Variants in PPP1R14C observed in about 807,000 individuals in gnomAD.
PPP1R14C encodes protein phosphatase 1 regulatory inhibitor subunit 14C.
PPP1R14C carries 16 observed loss-of-function variants against 20.4 expected under a neutral mutation model. That is an observed-to-expected ratio of 0.78 (90% CI 0.53 to 1.19). The LOEUF is 1.19. PPP1R14C is among the 50% of genes most tolerant of loss of function. The probability of loss-of-function intolerance (pLI) is 0.00; values close to 1 mark genes in which losing one functional copy is unlikely to be tolerated. For missense variants in PPP1R14C, 211 were observed against 220.1 expected (o/e 0.96, Z 0.26); for synonymous variants, 91 against 91.0 (o/e 1.00, Z 0.00).
At chr6:150,218,778 A>AACTAG (rs1158104444) in intron 3 of PPP1R14C, among the ~76,000 whole-genome samples, 2 of 152,088 alleles carry the variant, frequency 1.3e-5, no homozygotes, top group East Asian at 3.9e-4. Context: ...CCTCCTGAGT[A>AACTAG]ACTAGTACTG....
chr6:150,217,264 C>T (rs966841087), intron 3 of PPP1R14C, among the ~76,000 whole-genome samples: 4 of 146,756 alleles, frequency 2.7e-5, no homozygotes, highest in East Asian at 2.0e-4. Flanking sequence ...GGTGTGATCT[C>T]GGCTCACTGC....
chr6:150,168,490 G>C lies in PPP1R14C; in HGVS notation c.306+24992G>C, dbSNP rs183735839. 6.6e-5 allele frequency among the ~76,000 whole-genome samples: 10 copies of C among 151,792 alleles called. No individual in the cohort carries two copies. The East Asian group carries it at 1.9e-3, about 29-fold the overall frequency. Reference sequence around the variant, plus strand: ...GGAGCTTGCAGTGAGCCGAGATAGCGCCACTACACTCCAGCCTGGGCGAAA... The same window carrying C: ...GGAGCTTGCAGTGAGCCGAGATAGCCCCACTACACTCCAGCCTGGGCGAAA... On this transcript the variant is annotated intron_variant, in intron 1 of 3. Coordinates refer to ENST00000361131, the MANE Select transcript of PPP1R14C (RefSeq NM_030949.3).
rs574544132 is a variant in PPP1R14C at position 150,238,479 on chromosome 6, C to T, written c.424-10267C>T. Among the ~76,000 whole-genome samples, 15 of 152,384 alleles carry T rather than the reference C, an allele frequency of 9.8e-5. No individual in the cohort carries two copies. The South Asian group carries it at 2.9e-3, about 29-fold the overall frequency. ...AGTGAACACAGAGGTCTTTCGAGGC[C>T]TCTCAGAGCTCTGGCTGCCTTCTCC... On this transcript the variant is annotated intron_variant, in intron 3 of 3. Coordinates refer to ENST00000361131, the MANE Select transcript of PPP1R14C (RefSeq NM_030949.3).
chr6:150,187,035 G>GTGCA (rs1292333113), intron 1 of PPP1R14C, among the ~76,000 whole-genome samples: 1 of 151,940 alleles, frequency 6.6e-6, no homozygotes, highest in East Asian at 1.9e-4. Context: ...GAGTGCAATG[G>GTGCA]TGCAATCTTG....
At chr6:150,152,119 C>CA (rs577869928) in intron 1 of PPP1R14C, among the ~76,000 whole-genome samples, 2,884 of 84,168 alleles carry the variant, frequency 0.034, 265 homozygotes, top group Non-Finnish European at 0.049. Flanking sequence ...GACTCCGTCT[C>CA]AAAAAAAAAA....
At chr6:150,191,444 T>A (rs1007209319) in intron 1 of PPP1R14C, among the ~76,000 whole-genome samples, 7 of 152,220 alleles carry the variant, frequency 4.6e-5, no homozygotes, top group African/African-American at 1.4e-4. Context: ...TTTTACTGAC[T>A]GTGTGCAAAG....
In PPP1R14C at chr6:150,143,339, C is replaced by T. The variant is rs112493035; in HGVS notation, c.147C>T (p.Pro49=). Residue 49 remains proline, a synonymous_variant, in exon 1 of 4, where the codon CCC becomes CCT. Transcript: ENST00000361131. This position sits in a 1 kb window ranked among gnomAD's most constrained non-coding sequence, Gnocchi z 5.6. ...GSGSSREDSA[P]VATAAAAGQV... is the part of the protein sequence containing the mutation. ...GCTCCTCCCGGGAGGACTCGGCGCCCGTGGCCACGGCGGCCGCTGCAGGGC... is the reference window on the plus strand; with the variant it reads ...GCTCCTCCCGGGAGGACTCGGCGCCTGTGGCCACGGCGGCCGCTGCAGGGC... 1.6e-5 allele frequency: 25 copies of T among 1,604,442 alleles called. No homozygotes were observed. In the African/African-American group the frequency reaches 1.8e-4, roughly 11 times the overall value.
chr6:150,146,967 A>T (rs1183261365), intron 1 of PPP1R14C, among the ~76,000 whole-genome samples: 1 of 152,102 alleles, frequency 6.6e-6, no homozygotes, highest in African/African-American at 2.4e-5. Flanking sequence ...CTTTTATTGG[A>T]TTCCAAAATG....
chr6:150,186,067 C>T (rs1211542303), intron 1 of PPP1R14C, among the ~76,000 whole-genome samples: 2 of 152,166 alleles, frequency 1.3e-5, no homozygotes, highest in Non-Finnish European at 2.9e-5. Context: ...CGTGCCTGGT[C>T]TTTGATGCTC....
intron 3 of PPP1R14C, among the ~76,000 whole-genome samples, chr6:150,246,590 T>C (rs1778495448): frequency 6.6e-6 from 1 of 152,350 alleles, no homozygotes; most frequent in African/African-American, 2.4e-5. Context: ...TTGTATTTCA[T>C]TCTGTACAAG....
rs143361323 is a variant in PPP1R14C at position 150,240,901 on chromosome 6, T to G, written c.424-7845T>G. On this transcript the variant is annotated intron_variant, in intron 3 of 3. Transcript: ENST00000361131. ...GTCCTTGGCACAGAACTCCTAAAAC[T>G]CTTACAATTTCCTGAGCAATCAGTT... Among the ~76,000 whole-genome samples the G allele has an allele frequency of 3.4e-3, 524 of 152,346 alleles. 3 individuals carry two copies. The highest frequency in any genetic ancestry group is 0.012 in the African/African-American group (511 of 41,582).
intron 1 of PPP1R14C, among the ~76,000 whole-genome samples, chr6:150,149,005 C>A (rs1777211394): frequency 6.6e-6 from 1 of 151,882 alleles, no homozygotes. Context: ...GTTAAGGCTG[C>A]AGTGAACCAA....
intron 3 of PPP1R14C, among the ~76,000 whole-genome samples, chr6:150,244,182 C>T (rs1044257292): frequency 7.7e-6 from 1 of 130,670 alleles, no homozygotes; most frequent in African/African-American, 3.1e-5. Context: ...AAAAAAAAAA[C>T]TCACTGGGAA....
chr6:150,248,716 C>A, intron 3 of PPP1R14C, 30 bp from the exon 4 acceptor site: 1 of 1,436,922 alleles, frequency 7.0e-7, no homozygotes, highest in Non-Finnish European at 9.8e-7. Context: ...AATAGTGACC[C>A]TCATATTAAC....
At chr6:150,164,485 C>T (rs535967460) in intron 1 of PPP1R14C, 2 of 152,264 alleles carry the variant, frequency 1.3e-5, no homozygotes, top group African/African-American at 2.4e-5. Context: ...TTCTGTGTTA[C>T]CTTTTTGATG....
Position 150,143,521 on chromosome 6 carries a change from G to A in PPP1R14C, c.306+23G>A. 1 of 1,452,394 alleles carries A rather than the reference G, an allele frequency of 6.9e-7. No individual in the cohort carries two copies. Among genetic ancestry groups the A allele is most frequent in the Non-Finnish European group, 9.5e-7 (1 of 1,057,766 alleles). The allele number at this position is 1,452,394 out of a possible 1,614,324, so 90.0% of individuals were successfully genotyped here. A position where few individuals can be genotyped will look rare whatever the true frequency, so the allele number is the denominator to read the frequency against. ...GAGGTACCTGGGCGCGGGGCTGGGA[G>A]GGTCGGGGACCTCTCTAGCTCCTCT... On this transcript the variant is annotated intron_variant, in intron 1 of 3. Transcript: ENST00000361131. This position sits in a 1 kb window ranked among gnomAD's most constrained non-coding sequence, Gnocchi z 5.6.
chr6:150,189,859 G>A (rs1041932561), intron 1 of PPP1R14C, among the ~76,000 whole-genome samples: 1 of 152,116 alleles, frequency 6.6e-6, no homozygotes, highest in African/African-American at 2.4e-5. Context: ...AGTTCTAACT[G>A]AATCCAGCAG....
At chr6:150,242,373 T>A (rs1208869892) in intron 3 of PPP1R14C, among the ~76,000 whole-genome samples, 3 of 47,076 alleles carry the variant, frequency 6.4e-5, no homozygotes, top group Non-Finnish European at 1.1e-4. Context: ...AAAGCCATTA[T>A]GATCAAGTGT....
Position 150,214,811 on chromosome 6 carries a change from G to A in PPP1R14C, c.374G>A (p.Arg125Lys), listed in dbSNP as rs773801709. The stretch of plus-strand genomic sequence containing the variant: ...CTTGATGCAGACAGTGATGAAGAGA[G>A]AGCTTCAAAATTACAGGTAAGCAGT... ...DLLDADSDEERASKLQEALVD... is the reference protein window; with the variant it reads ...DLLDADSDEEKASKLQEALVD... The change falls in exon 2 of 4, where the codon AGA becomes AAA. Residue 125 changes from arginine (R) to lysine (K), a missense_variant. By Grantham distance (26) the Arg-to-Lys change is conservative. Transcript: ENST00000361131. 60 of 1,610,644 alleles carry A rather than the reference G, an allele frequency of 3.7e-5. No individual in the cohort carries two copies. The highest frequency in any genetic ancestry group is 4.9e-5 in the Non-Finnish European group (58 of 1,178,516).
Sources: allele counts gnomAD v4.1 joint callset (sites outside exome capture counted in the v4.1 genomes callset), GRCh38; gene constraint gnomAD v4.1.1; non-coding constraint Gnocchi (gnomAD v3.1); transcripts MANE v1.5; gene names NCBI Gene and HGNC (gene_info 2026-07-23, HGNC 2026-07-21).